VSIG8: variants seen among roughly 807,000 people sequenced by gnomAD.
VSIG8 encodes V-set and immunoglobulin domain containing 8.
A neutral mutation model predicts 42.6 loss-of-function variants in VSIG8; 32 were observed. That is an observed-to-expected ratio of 0.75 (90% CI 0.57 to 1.01). The LOEUF is 1.01. Ranked by LOEUF, VSIG8 falls within the 50% of genes least tolerant of loss-of-function variation. The probability of loss-of-function intolerance (pLI) is 0.00; values close to 1 mark genes in which losing one functional copy is unlikely to be tolerated. For synonymous variants in VSIG8, 290 were observed against 243.8 expected (o/e 1.19, Z -1.77); for missense variants, 529 against 558.0 (o/e 0.95, Z 0.52).
rs1273312827 is a variant in VSIG8 at position 159,856,631 on chromosome 1, C to T, written c.665G>A (p.Gly222Glu). ...HSSINQGLNNGDLVLKDISRA... is the reference protein window; with the variant it reads ...HSSINQGLNNEDLVLKDISRA... ...GGAGATATCCTTCAACACCAGGTCC[C>T]CATTGTTCAGGCCTGAAAGTGAAGT... is the stretch of plus-strand genomic sequence containing the variant. Residue 222 changes from glycine to glutamate, a missense_variant, in exon 5 of 7, where the codon GGG (glycine) becomes GAG (glutamate). Transcript: ENST00000368100. The T allele has an allele frequency of 6.2e-7, 1 of 1,614,116 alleles. No homozygotes were observed. The highest frequency in any genetic ancestry group is 8.5e-7 in the Non-Finnish European group (1 of 1,179,986).
At chr1:159,858,393 T>C (rs1648915233) in intron 2 of VSIG8, 102 bp from the exon 3 acceptor site, 3 of 1,204,136 alleles carry the variant, frequency 2.5e-6, no homozygotes, top group Non-Finnish European at 3.6e-6. Context: ...CTGAGACTCT[T>C]TTCTCAGCTG....
At chr1:159,858,060 G>T (rs769285512) in intron 3 of VSIG8, 30 bp downstream of exon 3, 1 of 1,613,998 alleles carries the variant, frequency 6.2e-7, no homozygotes, top group Admixed American at 1.7e-5. Flanking sequence ...TAAGCCAGGG[G>T]GAGAGGAGCT....
chr1:159,854,750 C>A lies in VSIG8; in HGVS notation c.*3G>T. On this transcript the variant is annotated 3_prime_UTR_variant, in exon 7 of 7. Coordinates refer to ENST00000368100, the MANE Select transcript of VSIG8 (RefSeq NM_001013661.1). Reference sequence around the variant, plus strand: ...GGGGCGCAGCCCGGCCCGGCGCGCGCGCTCACACCAAGAGGCCGTTCTTGC... The same window carrying A: ...GGGGCGCAGCCCGGCCCGGCGCGCGAGCTCACACCAAGAGGCCGTTCTTGC... 2 of 1,473,096 alleles carry A rather than the reference C, an allele frequency of 1.4e-6. No homozygotes were observed. Among genetic ancestry groups the A allele is most frequent in the Non-Finnish European group, 1.8e-6 (2 of 1,120,580 alleles). 91.3% of individuals were successfully genotyped at this position (1,473,096 alleles called of 1,614,324 possible). A position where few individuals can be genotyped will look rare whatever the true frequency, so the allele number is the denominator to read the frequency against.
At chr1:159,860,137 C>T (rs7536028) in intron 1 of VSIG8, among the ~76,000 whole-genome samples, 1 of 152,190 alleles carries the variant, frequency 6.6e-6, no homozygotes, top group Admixed American at 6.5e-5. Context: ...TCTCAGCAAT[C>T]ATTCTGTTCT....
chr1:159,856,721 A>T, intron 4 of VSIG8, 78 bp from the exon 5 acceptor site: 1 of 1,565,096 alleles, frequency 6.4e-7, no homozygotes, highest in Admixed American at 1.8e-5. Context: ...GGGGGATGGG[A>T]CACCCACTCT....
At position 159,860,302 on chromosome 1, in the gene VSIG8, CA is replaced by C. The variant is rs76190817; in HGVS notation, c.50-1391del. Among the ~76,000 whole-genome samples, 336 of 152,356 alleles carry C rather than the reference CA, an allele frequency of 2.2e-3. 4 individuals carry two copies. The East Asian group carries it at 0.033, about 15-fold the overall frequency. On this transcript the variant is annotated intron_variant, in intron 1 of 6. Transcript: ENST00000368100. ...ATATGGCCCCACCTTCCTACAAACA[CA>C]GACACTATATAGATTCATTCAGACA...
rs139770309 is a variant in VSIG8 at position 159,858,869 on chromosome 1, G to C, written c.93C>G (p.Val31=). 5 of 1,613,938 alleles carry C rather than the reference G, an allele frequency of 3.1e-6. No individual in the cohort carries two copies. The Admixed American group carries it at 8.3e-5, about 27-fold the overall frequency. ...CATTATCACCTTCTGCCAGGTACAG[G>C]ACCTCCTGTCCATCCCCGTTGATCC... ...AVRINGDGQE[V]LYLAEGDNVR... is the part of the protein sequence containing the mutation. The change falls in exon 2 of 7, where the codon GTC becomes GTG. Residue 31 remains valine, a synonymous_variant. Transcript: ENST00000368100.
Position 159,854,946 on chromosome 1 carries a change from T to A in VSIG8, c.1052A>T (p.Asn351Ile). 1.3e-6 allele frequency: 2 copies of A among 1,531,878 alleles called. No homozygotes were observed. Among genetic ancestry groups the A allele is most frequent in the Non-Finnish European group, 1.7e-6 (2 of 1,147,014 alleles). 94.9% of individuals were successfully genotyped at this position (1,531,878 alleles called of 1,614,324 possible). The change falls in exon 7 of 7, where the codon AAC (asparagine) becomes ATC (isoleucine). Residue 351 changes from asparagine (N) to isoleucine (I), a missense_variant. By Grantham distance (149) the Asn-to-Ile change is moderately radical (BLOSUM62 -3). Coordinates refer to ENST00000368100, the MANE Select transcript of VSIG8 (RefSeq NM_001013661.1). ...VTHLLGYPTQ[N>I]VSRSLRRKYA... is the part of the protein sequence containing the mutation. ...CTTGCGGCGCAGGGAGCGGCTGACG[T>A]TCTGCGTCGGGTACCCCAGGAGGTG...
chr1:159,854,770 T>C lies in VSIG8; in HGVS notation c.1228A>G (p.Asn410Asp). The part of the protein sequence containing the change: ...DCAEGPVQCK[N>D]GLLV ...GCGCGCGCTCACACCAAGAGGCCGTTCTTGCACTGCACCGGCCCCTCGGCG... is the reference window on the plus strand; with the variant it reads ...GCGCGCGCTCACACCAAGAGGCCGTCCTTGCACTGCACCGGCCCCTCGGCG... Residue 410 changes from asparagine to aspartate, a missense_variant, in exon 7 of 7, where the codon AAC (asparagine) becomes GAC (aspartate). Transcript: ENST00000368100. The C allele has an allele frequency of 6.7e-7, 1 of 1,500,048 alleles. No individual in the cohort carries two copies. The highest frequency in any genetic ancestry group is 8.8e-7 in the Non-Finnish European group (1 of 1,132,152). 92.9% of individuals were successfully genotyped at this position (1,500,048 alleles called of 1,614,324 possible).
In VSIG8 at chr1:159,857,785, C is replaced by A; in HGVS notation, c.612G>T (p.Glu204Asp). The A allele has an allele frequency of 9.9e-6, 16 of 1,614,182 alleles. No individual in the cohort carries two copies. The highest frequency in any genetic ancestry group is 1.4e-5 in the Non-Finnish European group (16 of 1,180,024). Residue 204 changes from glutamate to aspartate, a missense_variant, in exon 4 of 7, where the codon GAG (glutamate) becomes GAT (aspartate). Coordinates refer to ENST00000368100, the MANE Select transcript of VSIG8 (RefSeq NM_001013661.1). The part of the protein sequence containing the change: ...SYTSQHSYHS[E>D]LSYQESFHSS... ...TGTGGAAGGACTCCTGGTAGGACAG[C>A]TCTGAGTGGTAGCTGTGCTGGGAGG...
intron 5 of VSIG8, 22 bp from the exon 6 acceptor site, chr1:159,856,103 G>C (rs1557902936): frequency 6.2e-7 from 1 of 1,601,396 alleles, no homozygotes; most frequent in Admixed American, 1.7e-5. Flanking sequence ...AGTGGAGGCA[G>C]GTCAGGCTTT....
chr1:159,855,532 T>A lies in VSIG8; in HGVS notation c.971+351A>T, dbSNP rs369152574. On this transcript the variant is annotated intron_variant, in intron 6 of 6. Transcript: ENST00000368100. Reference sequence around the variant, plus strand: ...ATATAAGTTATTAGCACTATTCTTATTATTAGCTCTTCTTAAATAATAATG... The same window carrying A: ...ATATAAGTTATTAGCACTATTCTTAATATTAGCTCTTCTTAAATAATAATG... 9 of 985,344 alleles carry A rather than the reference T, an allele frequency of 9.1e-6. No individual in the cohort carries two copies. In the East Asian group the frequency reaches 9.1e-4, roughly 99 times the overall value. The allele number at this position is 985,344 out of a possible 1,614,324, so 61.0% of individuals were successfully genotyped here.
rs576295085 is a variant in VSIG8, at chr1:159,862,316, C to T, written c.49+157G>A. The T allele has an allele frequency of 3.7e-5, 25 of 682,054 alleles. No individual in the cohort carries two copies. The South Asian group carries it at 4.8e-4, about 13-fold the overall frequency. The allele number at this position is 682,054 out of a possible 1,614,324, so 42.3% of individuals were successfully genotyped here. A position where few individuals can be genotyped will look rare whatever the true frequency, so the allele number is the denominator to read the frequency against. ...GCACAGGGTCTCCTGGGGAAAGGTC[C>T]CCTGGTAATACCCACACCCGGCTGC... On this transcript the variant is annotated intron_variant, in intron 1 of 6. Coordinates refer to ENST00000368100, the MANE Select transcript of VSIG8 (RefSeq NM_001013661.1).
At chr1:159,859,732 C>T (rs955886599) in intron 1 of VSIG8, among the ~76,000 whole-genome samples, 3 of 152,168 alleles carry the variant, frequency 2.0e-5, no homozygotes, top group Non-Finnish European at 4.4e-5. Flanking sequence ...TCTTTCTTGA[C>T]TACACAGCAT....
In VSIG8 at chr1:159,854,905, A is replaced by AG; in HGVS notation, c.1092dup (p.Cys365LeufsTer36). 6.7e-7 allele frequency: 1 copy of AG among 1,484,638 alleles called. No homozygotes were observed. Among genetic ancestry groups the AG allele is most frequent in the African/African-American group, 1.5e-5 (1 of 68,374 alleles). The allele number at this position is 1,484,638 out of a possible 1,614,324, so 92.0% of individuals were successfully genotyped here. ...AGGGCCACGTCCTCGGGGCCGCCGC[A>AG]GGGGGGAGGCGCGTACTTGCGGCGC... On this transcript the variant is annotated frameshift_variant, in exon 7 of 7. Transcript: ENST00000368100. LOFTEE classifies it high-confidence loss of function.
chr1:159,856,792 C>CACACACA, intron 4 of VSIG8, 149 bp from the exon 5 acceptor site: 3 of 1,033,616 alleles, frequency 2.9e-6, no homozygotes, highest in Non-Finnish European at 4.1e-6. Flanking sequence ...CACACACACT[C>CACACACA]CACTCTCCAG....
rs756024833 is a variant in VSIG8, at chr1:159,854,986, C to T, written c.1012G>A (p.Gly338Ser). 1 of 1,557,714 alleles carries T rather than the reference C, an allele frequency of 6.4e-7. No individual in the cohort carries two copies. Among genetic ancestry groups the T allele is most frequent in the Non-Finnish European group, 8.6e-7 (1 of 1,157,998 alleles). The stretch of plus-strand genomic sequence containing the variant: ...CCCAGGAGGTGGGTGACGCGGCTGC[C>T]GCGCCCGCTGGCCTTGCACCCGGGC... ...VAPGCKASGR[G>S]SRVTHLLGYP... Residue 338 changes from glycine to serine, a missense_variant, in exon 7 of 7, where the codon GGC becomes AGC. Gly to Ser is a moderately conservative substitution (Grantham distance 56). Transcript: ENST00000368100.
At position 159,855,952 on chromosome 1, in the gene VSIG8, C is replaced by T. The variant is rs1263935093; in HGVS notation, c.902G>A (p.Gly301Asp). ...CGGSGAGGAR[G>D]AFGYGNGGGV... ...GCCGCCGTTGCCGTAGCCGAAGGCA[C>T]CGCGGGCGCCGCCAGCCCCGGAGCC... The change falls in exon 6 of 7, where the codon GGT becomes GAT. Residue 301 changes from glycine (G) to aspartate (D), a missense_variant. Transcript: ENST00000368100. 4.8e-5 allele frequency: 75 copies of T among 1,578,846 alleles called. No individual in the cohort carries two copies. Among genetic ancestry groups the T allele is most frequent in the Non-Finnish European group, 6.4e-5 (74 of 1,163,154 alleles).
intron 6 of VSIG8, 98 bp downstream of exon 6, chr1:159,855,785 G>C: frequency 7.0e-7 from 1 of 1,434,580 alleles, no homozygotes; most frequent in Non-Finnish European, 9.1e-7. Context: ...GGCAGGGTTG[G>C]GGTGGGGGGC....
Sources: allele counts gnomAD v4.1 joint callset (sites outside exome capture counted in the v4.1 genomes callset), GRCh38; gene constraint gnomAD v4.1.1; transcripts MANE v1.5; gene names NCBI Gene and HGNC (gene_info 2026-07-23, HGNC 2026-07-21).